The following CSNK2A2IP variants were observed in gnomAD, a reference collection of about 807,000 sequenced individuals.
The protein encoded by CSNK2A2IP is casein kinase 2 subunit alpha' interacting protein.
At chr3:88,363,796 A>G in the CSNK2A2IP span, among the ~76,000 whole-genome samples, 5 of 152,178 alleles carry the variant, frequency 3.3e-5, no homozygotes, top group African/African-American at 4.8e-5. Context: ...CCACTGATGC[A>G]AGACCTTTCT....
At chr3:88,446,047 TTTC>T in the CSNK2A2IP span, among the ~76,000 whole-genome samples, 356 of 63,116 alleles carry the variant, frequency 5.6e-3, 12 homozygotes, top group Non-Finnish European at 8.6e-3. Flanking sequence ...TCTTTCTTTC[TTTC>T]TTTCTTTCTT....
chr3:88,420,986 T>C, the CSNK2A2IP span, among the ~76,000 whole-genome samples: 17 of 152,270 alleles, frequency 1.1e-4, no homozygotes, highest in African/African-American at 2.4e-4. Context: ...GAGATACATT[T>C]ACAGAGAATA....
the CSNK2A2IP span, among the ~76,000 whole-genome samples, chr3:88,404,740 T>C: frequency 2.0e-5 from 3 of 148,000 alleles, no homozygotes; most frequent in African/African-American, 7.3e-5. Flanking sequence ...CTTCGAACTT[T>C]TGTTCTATTT....
At chr3:88,364,361 T>TAAAATATAACTTTTAAATATTTA in the CSNK2A2IP span, among the ~76,000 whole-genome samples, 39 of 152,032 alleles carry the variant, frequency 2.6e-4, no homozygotes, top group Non-Finnish European at 4.6e-4. Flanking sequence ...CAGGAGATTA[T>TAAAATATAACTTTTAAATATTTA]AAAATATAAC....
At chr3:88,417,436 G>C in the CSNK2A2IP span, among the ~76,000 whole-genome samples, 2 of 152,162 alleles carry the variant, frequency 1.3e-5, 1 homozygote, top group South Asian at 4.1e-4. Flanking sequence ...ACAGGGGCAA[G>C]GGTGCTTGTG....
At chr3:88,445,106 G>A in the CSNK2A2IP span, among the ~76,000 whole-genome samples, 35,076 of 151,442 alleles carry the variant, frequency 0.23, 4,427 homozygotes, top group East Asian at 0.49. Flanking sequence ...CTTCATTAAC[G>A]AGTAAGAAAT....
chr3:88,356,668 C>T, the CSNK2A2IP span, among the ~76,000 whole-genome samples: 51 of 152,204 alleles, frequency 3.4e-4, no homozygotes, highest in African/African-American at 1.2e-3. Flanking sequence ...TGAGGAGCCT[C>T]CATACTGTTT....
At chr3:88,389,479 C>T in the CSNK2A2IP span, among the ~76,000 whole-genome samples, 1 of 152,154 alleles carries the variant, frequency 6.6e-6, no homozygotes, top group African/African-American at 2.4e-5. Flanking sequence ...GGTGCCAGCT[C>T]ATGGAGGGAC....
chr3:88,368,383 G>A, the CSNK2A2IP span, among the ~76,000 whole-genome samples: 16 of 151,998 alleles, frequency 1.1e-4, no homozygotes, highest in East Asian at 1.9e-4. Flanking sequence ...GAGAGTGATC[G>A]AGAGACTATT....
the CSNK2A2IP span, among the ~76,000 whole-genome samples, chr3:88,440,419 A>G: frequency 1.3e-5 from 2 of 152,214 alleles, no homozygotes; most frequent in Non-Finnish European, 1.5e-5. Context: ...TTCAAAGAGG[A>G]GTTGTGTGGG....
chr3:88,460,200 C>T, the CSNK2A2IP span, among the ~76,000 whole-genome samples: 2 of 151,934 alleles, frequency 1.3e-5, no homozygotes, highest in Admixed American at 6.6e-5. Flanking sequence ...ATATTTATAG[C>T]CTCATTGAAT....
At chr3:88,385,901 A>G in the CSNK2A2IP span, among the ~76,000 whole-genome samples, 2 of 152,350 alleles carry the variant, frequency 1.3e-5, 1 homozygote, top group Middle Eastern at 6.8e-3. Context: ...GAGAAGTCAC[A>G]TAAATATAAA....
the CSNK2A2IP span, among the ~76,000 whole-genome samples, chr3:88,370,442 T>G: frequency 6.6e-6 from 1 of 151,864 alleles, no homozygotes; most frequent in South Asian, 2.1e-4. Flanking sequence ...CAATGACTTC[T>G]GTGCAAAGTT....
At chr3:88,397,001 G>A in the CSNK2A2IP span, among the ~76,000 whole-genome samples, 1 of 152,096 alleles carries the variant, frequency 6.6e-6, no homozygotes, top group East Asian at 1.9e-4. Flanking sequence ...GTTGAGGGAT[G>A]GCGTCAGTGT....
chr3:88,432,366 A>T, the CSNK2A2IP span, among the ~76,000 whole-genome samples: 1 of 151,998 alleles, frequency 6.6e-6, no homozygotes, highest in Non-Finnish European at 1.5e-5. Flanking sequence ...TATAAGCAGA[A>T]ATAAAAATTT....
At chr3:88,396,293 G>T in the CSNK2A2IP span, among the ~76,000 whole-genome samples, 1 of 151,650 alleles carries the variant, frequency 6.6e-6, no homozygotes, top group Non-Finnish European at 1.5e-5. Context: ...TTTTAGTAGA[G>T]ACGGGGTTTC....
At chr3:88,444,357 A>G in the CSNK2A2IP span, among the ~76,000 whole-genome samples, 1 of 152,196 alleles carries the variant, frequency 6.6e-6, no homozygotes. Flanking sequence ...TTTATGTCAA[A>G]AAGTTCTAAA....
chr3:88,362,180 T>A, the CSNK2A2IP span, among the ~76,000 whole-genome samples: 1 of 152,146 alleles, frequency 6.6e-6, no homozygotes, highest in African/African-American at 2.4e-5. Context: ...TATCTGGTCA[T>A]TGAAGAGTTA....
chr3:88,359,057 A>T, the CSNK2A2IP span, among the ~76,000 whole-genome samples: 1 of 148,186 alleles, frequency 6.7e-6, no homozygotes, highest in Non-Finnish European at 1.5e-5. Context: ...TTGTAAGTAT[A>T]GTTACTTATG....
Sources: allele counts gnomAD v4.1 joint callset (sites outside exome capture counted in the v4.1 genomes callset), GRCh38; gene constraint gnomAD v4.1.1; transcripts MANE v1.5; gene names NCBI Gene and HGNC (gene_info 2026-07-23, HGNC 2026-07-21).